Variants in LIN7A observed in about 807,000 individuals in gnomAD.
LIN7A encodes the protein protein lin-7 homolog A.
In LIN7A, 25 loss-of-function variants were observed where a neutral mutation model predicts 29.8. That is an observed-to-expected ratio of 0.84 (90% CI 0.61 to 1.17). LIN7A has a LOEUF of 1.17. LIN7A is among the 50% of genes most tolerant of loss of function. The pLI, the probability that LIN7A is intolerant of heterozygous loss-of-function variation, is 0.00. For missense variants in LIN7A, 239 were observed against 287.0 expected (o/e 0.83, Z 1.21); for synonymous variants, 118 against 107.5 (o/e 1.10, Z -0.60).
chr12:80,866,862 C>T (rs898206219), intron 2 of LIN7A, among the ~76,000 whole-genome samples: 4 of 152,276 alleles, frequency 2.6e-5, no homozygotes, highest in African/African-American at 9.6e-5. Flanking sequence ...GGCTTGTTCT[C>T]CTCACCATCC....
chr12:80,918,351 T>C (rs946223241), intron 1 of LIN7A, among the ~76,000 whole-genome samples: 3 of 152,134 alleles, frequency 2.0e-5, no homozygotes, highest in Admixed American at 1.3e-4. Flanking sequence ...CCTGGCCTTA[T>C]GTATATTCCT....
rs542939166 is a variant in LIN7A at position 80,839,909 on chromosome 12, C to G, written c.483+5821G>C. On this transcript the variant is annotated intron_variant, in intron 4 of 5. Transcript: ENST00000552864. The stretch of plus-strand genomic sequence containing the variant: ...TAGCAATCTGTATACACTGTATAGA[C>G]AATTTTATTTAGTTTTAACTGTAAA... Among the ~76,000 whole-genome samples, 4 of 152,282 alleles carry G rather than the reference C, an allele frequency of 2.6e-5. No homozygotes were observed. In the East Asian group the frequency reaches 7.7e-4, roughly 29 times the overall value.
intron 2 of LIN7A, among the ~76,000 whole-genome samples, chr12:80,887,151 C>T (rs1875371043): frequency 6.6e-6 from 1 of 152,052 alleles, no homozygotes; most frequent in African/African-American, 2.4e-5. Flanking sequence ...CCCATATCAC[C>T]ATCTAGTTCA....
intron 1 of LIN7A, among the ~76,000 whole-genome samples, chr12:80,897,143 T>C (rs964898864): frequency 6.6e-6 from 1 of 152,166 alleles, no homozygotes; most frequent in Non-Finnish European, 1.5e-5. Context: ...TTGATTTGCC[T>C]ACTACTACCC....
chr12:80,866,794 G>T (rs939337908), intron 2 of LIN7A, among the ~76,000 whole-genome samples: 2 of 152,006 alleles, frequency 1.3e-5, no homozygotes, highest in Non-Finnish European at 2.9e-5. Context: ...ATTTTTTCAT[G>T]AAGAACACCA....
intron 4 of LIN7A, among the ~76,000 whole-genome samples, chr12:80,837,480 C>T (rs1412983311): frequency 6.6e-6 from 1 of 151,802 alleles, no homozygotes; most frequent in Admixed American, 6.6e-5. Flanking sequence ...AATGAGGTGG[C>T]CACAAATCAA....
intron 1 of LIN7A, among the ~76,000 whole-genome samples, chr12:80,929,528 G>T (rs1196030275): frequency 1.3e-5 from 2 of 152,092 alleles, no homozygotes; most frequent in African/African-American, 2.4e-5. Flanking sequence ...ATCCAACAAT[G>T]CAATCATCCA....
Position 80,889,236 on chromosome 12 carries a change from A to G in LIN7A, c.201+15T>C. Reference sequence around the variant, plus strand: ...CATATGGCTGAATTTAGTTATTAAAATTTTAGTGCCATACCTCTCGAATAG... The same window carrying G: ...CATATGGCTGAATTTAGTTATTAAAGTTTTAGTGCCATACCTCTCGAATAG... On this transcript the variant is annotated intron_variant, in intron 2 of 5. Transcript: ENST00000552864. The G allele has an allele frequency of 7.1e-7, 1 of 1,413,310 alleles. No homozygotes were observed. The highest frequency in any genetic ancestry group is 1.0e-6 in the Non-Finnish European group (1 of 997,950). 87.5% of individuals were successfully genotyped at this position (1,413,310 alleles called of 1,614,324 possible).
intron 4 of LIN7A, chr12:80,842,221 A>T: frequency 2.3e-6 from 2 of 880,888 alleles, no homozygotes; most frequent in Non-Finnish European, 3.1e-6. Flanking sequence ...TTATAACCTA[A>T]CATTCCATGT....
intron 1 of LIN7A, among the ~76,000 whole-genome samples, chr12:80,892,927 G>A (rs1475889094): frequency 6.6e-6 from 1 of 152,096 alleles, no homozygotes; most frequent in Non-Finnish European, 1.5e-5. Context: ...TTCTAAACAC[G>A]AATGTGTTTA....
In LIN7A at chr12:80,794,669, T is replaced by C. The variant is rs1279094788; in HGVS notation, c.*3058A>G. On this transcript the variant is annotated 3_prime_UTR_variant, in exon 6 of 6. Transcript: ENST00000552864. ...AAATCCTTAAAAAGCCTCTGCATGC[T>C]AGATTTTGCATTTAGATCTAAGTAT... The C allele has an allele frequency of 6.6e-6, 1 of 152,192 alleles. No homozygotes were observed. Among genetic ancestry groups the C allele is most frequent in the Non-Finnish European group, 1.5e-5 (1 of 68,016 alleles). The allele number at this position is 152,192 out of a possible 1,614,324, so 9.4% of individuals were successfully genotyped here.
chr12:80,934,533 GTT>G (rs1481853929), intron 1 of LIN7A, among the ~76,000 whole-genome samples: 2 of 152,180 alleles, frequency 1.3e-5, no homozygotes, highest in Non-Finnish European at 2.9e-5. Context: ...AGACTTCTGA[GTT>G]TCTTACTTTC....
intron 2 of LIN7A, among the ~76,000 whole-genome samples, chr12:80,886,976 T>C (rs1230273195): frequency 2.0e-5 from 3 of 152,074 alleles, no homozygotes; most frequent in African/African-American, 7.2e-5. Flanking sequence ...TAGATGCCTG[T>C]TAGACATCTC....
At chr12:80,922,811 C>G (rs1263507876) in intron 1 of LIN7A, among the ~76,000 whole-genome samples, 1 of 152,064 alleles carries the variant, frequency 6.6e-6, no homozygotes, top group African/African-American at 2.4e-5. Flanking sequence ...ACAATGAAAC[C>G]CCTTGCCTTC....
chr12:80,841,853 G>C, intron 4 of LIN7A: 3 of 989,240 alleles, frequency 3.0e-6, no homozygotes, highest in Non-Finnish European at 3.7e-6. Context: ...GAGATCATTA[G>C]AAAGCTATAA....
At chr12:80,868,618 G>A (rs1167620139) in intron 2 of LIN7A, among the ~76,000 whole-genome samples, 1 of 152,094 alleles carries the variant, frequency 6.6e-6, no homozygotes, top group Non-Finnish European at 1.5e-5. Context: ...AAACAGGAAA[G>A]AAACTGCAGG....
At chr12:80,861,107 C>G (rs1873852391) in intron 2 of LIN7A, 1 of 153,046 alleles carries the variant, frequency 6.5e-6, no homozygotes, top group African/African-American at 2.4e-5. Context: ...GCAGCTTTCT[C>G]TCTGGGCCTC....
At position 80,851,459 on chromosome 12, in the gene LIN7A, G is replaced by A. The variant is rs983946146; in HGVS notation, c.202-3137C>T. ...TGGTTGTAGAGTCAGGTCAAATCCTGGAGATATTAATTCTATTTCCATTAG... is the reference window on the plus strand; with the variant it reads ...TGGTTGTAGAGTCAGGTCAAATCCTAGAGATATTAATTCTATTTCCATTAG... On this transcript the variant is annotated intron_variant, in intron 2 of 5. Transcript: ENST00000552864. 2.0e-5 allele frequency among the ~76,000 whole-genome samples: 3 copies of A among 151,572 alleles called. No individual in the cohort carries two copies. In the South Asian group the frequency reaches 6.2e-4, roughly 31 times the overall value.
At chr12:80,813,068 T>A (rs1034524497) in intron 4 of LIN7A, among the ~76,000 whole-genome samples, 2 of 152,058 alleles carry the variant, frequency 1.3e-5, no homozygotes, top group African/African-American at 4.8e-5. Flanking sequence ...TAGAGTGCAA[T>A]GGCGCGATCT....
Sources: allele counts gnomAD v4.1 joint callset (sites outside exome capture counted in the v4.1 genomes callset), GRCh38; gene constraint gnomAD v4.1.1; transcripts MANE v1.5; gene names NCBI Gene and HGNC (gene_info 2026-07-23, HGNC 2026-07-21).